The following GABRA3 variants were observed in gnomAD, a reference collection of about 807,000 sequenced individuals.
GABRA3 encodes the protein gamma-aminobutyric acid receptor subunit alpha-3.
Under a neutral mutation model 30.1 loss-of-function variants are expected in GABRA3, and 10 were observed. That is an observed-to-expected ratio of 0.33 (90% CI 0.20 to 0.56). The LOEUF is 0.56. Ranked by LOEUF, GABRA3 falls within the 20% of genes least tolerant of loss-of-function variation. The probability of loss-of-function intolerance (pLI) is 0.89; values close to 1 mark genes in which losing one functional copy is unlikely to be tolerated. For missense variants in GABRA3, 233 were observed against 392.0 expected (o/e 0.59, Z 3.42); for synonymous variants, 151 against 146.8 (o/e 1.03, Z -0.21).
At chrX:152,356,674 C>T (rs1438442130) in intron 2 of GABRA3, among the ~76,000 whole-genome samples, 1 of 110,957 alleles carries the variant, frequency 9.0e-6, no homozygotes, top group African/African-American at 3.3e-5. Context: ...GGTTGGTGTA[C>T]AGATATTTCG....
At chrX:152,368,989 G>A (rs1007294836) in intron 1 of GABRA3, among the ~76,000 whole-genome samples, 1 of 111,661 alleles carries the variant, frequency 9.0e-6, no homozygotes, top group Non-Finnish European at 1.9e-5. Flanking sequence ...ACAGGCGTAA[G>A]CCACCGCGCT....
chrX:152,355,904 GCTT>G (rs1237406959), intron 2 of GABRA3, among the ~76,000 whole-genome samples: 1 of 111,640 alleles, frequency 9.0e-6, no homozygotes. Flanking sequence ...ACTCTCTGTA[GCTT>G]CTTATCAAAA....
intron 6 of GABRA3, among the ~76,000 whole-genome samples, chrX:152,219,940 G>A (rs1937800877): frequency 9.0e-6 from 1 of 111,122 alleles, no homozygotes; most frequent in Non-Finnish European, 1.9e-5. Flanking sequence ...TCTGTGTAGT[G>A]CTGTTTACTT....
intron 1 of GABRA3, among the ~76,000 whole-genome samples, chrX:152,382,909 T>G (rs1306383477): frequency 1.8e-5 from 2 of 112,225 alleles, no homozygotes; most frequent in African/African-American, 6.5e-5. Context: ...CCATATTGTT[T>G]TGATTGATTA....
At chrX:152,231,579 G>A (rs1252209137) in intron 5 of GABRA3, among the ~76,000 whole-genome samples, 2 of 110,922 alleles carry the variant, frequency 1.8e-5, no homozygotes, top group Non-Finnish European at 3.8e-5. Context: ...TCACACTTTG[G>A]ACAATATTTT....
intron 9 of GABRA3, among the ~76,000 whole-genome samples, chrX:152,174,546 G>A (rs948085151): frequency 4.5e-5 from 5 of 112,252 alleles, no homozygotes; most frequent in African/African-American, 6.5e-5. Flanking sequence ...GGCCAGTGAT[G>A]ATGAGCATTT....
chrX:152,422,316 A>T (rs970732523), intron 1 of GABRA3, among the ~76,000 whole-genome samples: 1 of 111,535 alleles, frequency 9.0e-6, no homozygotes, highest in Non-Finnish European at 1.9e-5. Context: ...CTGGAGTATA[A>T]AGAATATTAT....
chrX:152,326,921 G>C (rs1331670219), intron 3 of GABRA3, among the ~76,000 whole-genome samples: 1 of 110,072 alleles, frequency 9.1e-6, no homozygotes, highest in Non-Finnish European at 1.9e-5. Flanking sequence ...ATTGGATAAA[G>C]AATCTAGACC....
intron 1 of GABRA3, among the ~76,000 whole-genome samples, chrX:152,431,721 G>C (rs759696131): frequency 4.5e-5 from 5 of 111,852 alleles, no homozygotes; most frequent in African/African-American, 1.6e-4. Context: ...AGGGAGAAGA[G>C]TCAGAAGTGG....
At position 152,314,500 on chromosome X, in the gene GABRA3, A is replaced by C. The variant is rs750899893; in HGVS notation, c.263-29765T>G. 1.3e-4 allele frequency among the ~76,000 whole-genome samples: 15 copies of C among 112,429 alleles called. No individual in the cohort carries two copies. In the South Asian group the frequency reaches 1.8e-3, roughly 14 times the overall value. ...TTTGAATAAAACTCAAGTCTTTACC[A>C]AGCCGTATAATTCCCACATGATCTG... On this transcript the variant is annotated intron_variant, in intron 3 of 9. Transcript: ENST00000370314.
chrX:152,236,965 A>G (rs2077069819), intron 5 of GABRA3, among the ~76,000 whole-genome samples: 1 of 105,795 alleles, frequency 9.5e-6, no homozygotes, highest in African/African-American at 3.5e-5. Context: ...CTCTGATGGT[A>G]GTTTCTTTAG....
chrX:152,345,521 A>G (rs1489220933), intron 3 of GABRA3, 60 bp downstream of exon 3: 1 of 1,151,871 alleles, frequency 8.7e-7, no homozygotes, highest in East Asian at 3.0e-5. Context: ...AACTGTTTTT[A>G]GATAACAATG....
chrX:152,247,558 A>G (rs1348726887), intron 5 of GABRA3, among the ~76,000 whole-genome samples: 1 of 111,932 alleles, frequency 8.9e-6, no homozygotes, highest in Non-Finnish European at 1.9e-5. Context: ...ACTTCAGTTT[A>G]CTAAGTGTAA....
chrX:152,277,930 T>C (rs1467967682), intron 4 of GABRA3, among the ~76,000 whole-genome samples: 1 of 111,588 alleles, frequency 9.0e-6, no homozygotes, highest in East Asian at 2.8e-4. Flanking sequence ...TTTAGCAGTG[T>C]ATGGGGCCAA....
intron 9 of GABRA3, among the ~76,000 whole-genome samples, chrX:152,178,904 T>C (rs922247912): frequency 1.8e-5 from 2 of 112,024 alleles, no homozygotes; most frequent in African/African-American, 6.5e-5. Flanking sequence ...AATATATTTA[T>C]ACTGCTACCA....
At chrX:152,369,320 A>G (rs748533686) in intron 1 of GABRA3, among the ~76,000 whole-genome samples, 1 of 106,009 alleles carries the variant, frequency 9.4e-6, no homozygotes, top group East Asian at 3.0e-4. Flanking sequence ...TTGAAACATC[A>G]TGTTGTACAT....
chrX:152,356,814 G>A (rs1231872985), intron 2 of GABRA3, among the ~76,000 whole-genome samples: 1 of 111,536 alleles, frequency 9.0e-6, no homozygotes, highest in Non-Finnish European at 1.9e-5. Context: ...TCAATGTTCA[G>A]CTCCCACTTA....
intron 3 of GABRA3, among the ~76,000 whole-genome samples, chrX:152,295,081 G>T (rs1939501670): frequency 1.8e-5 from 2 of 111,716 alleles, no homozygotes; most frequent in East Asian, 5.7e-4. Flanking sequence ...ATACCAGAGG[G>T]TTACCCGCCT....
intron 6 of GABRA3, among the ~76,000 whole-genome samples, chrX:152,222,170 T>C (rs146981328): frequency 0.035 from 3,829 of 110,292 alleles, 65 homozygotes; most frequent in Middle Eastern, 0.061. Flanking sequence ...TGAGTAGTGC[T>C]GCGATGAACA....
Sources: gnomAD v4.1 joint callset for allele counts (sites outside exome capture counted in the v4.1 genomes callset) on GRCh38, gnomAD v4.1.1 for gene constraint, MANE v1.5 for transcripts, NCBI Gene and HGNC (gene_info 2026-07-23, HGNC 2026-07-21) for gene names.